The following A2M variants were observed in gnomAD, a reference collection of about 807,000 sequenced individuals.
A2M encodes alpha-2-macroglobulin.
A2M carries 128 observed loss-of-function variants against 183.9 expected under a neutral mutation model. The ratio of observed to expected loss-of-function variants is 0.70; its 90% confidence interval spans 0.60 to 0.81. A2M has a LOEUF of 0.81. Ranked by LOEUF, A2M falls within the 30% of genes least tolerant of loss-of-function variation. A2M has a pLI of 0.00. For missense variants in A2M, 1,495 were observed against 1,787.6 expected (o/e 0.84, Z 2.95); for synonymous variants, 592 against 670.8 (o/e 0.88, Z 1.81).
chr12:9,082,397 C>T (rs1948933608), intron 22 of A2M, among the ~76,000 whole-genome samples: 1 of 152,174 alleles, frequency 6.6e-6, no homozygotes, highest in Non-Finnish European at 1.5e-5. Context: ...AGAGACAAAA[C>T]AGTGATCTTG....
intron 34 of A2M, 121 bp downstream of exon 34, chr12:9,068,619 G>C: frequency 1.2e-6 from 1 of 812,950 alleles, no homozygotes; most frequent in Admixed American, 2.2e-5. Context: ...AGACTTGATG[G>C]AGACAAAATG....
Position 9,107,580 on chromosome 12 carries a change from C to T in A2M, c.823G>A (p.Ala275Thr), listed in dbSNP as rs1368167896. Reference sequence around the variant, plus strand: ...GAATCTTCACCGTGGCAGTCGGAAGCGTCACTATACTTTCTGCAAATGCTC... The same window carrying T: ...GAATCTTCACCGTGGCAGTCGGAAGTGTCACTATACTTTCTGCAAATGCTC... Reference protein sequence around the residue: ...TVSICRKYSDASDCHGEDSQA... With the variant: ...TVSICRKYSDTSDCHGEDSQA... Residue 275 changes from alanine (A) to threonine (T), a missense_variant, in exon 8 of 36, where the codon GCT (alanine) becomes ACT (threonine). Coordinates refer to ENST00000318602, the MANE Select transcript of A2M (RefSeq NM_000014.6). 8 of 1,613,848 alleles carry T rather than the reference C, an allele frequency of 5.0e-6. No homozygotes were observed. Among genetic ancestry groups the T allele is most frequent in the Admixed American group, 1.7e-5 (1 of 60,006 alleles).
intron 8 of A2M, among the ~76,000 whole-genome samples, chr12:9,107,067 A>C (rs1938349763): frequency 6.6e-6 from 1 of 152,070 alleles, no homozygotes. Flanking sequence ...TCTGCTCTTG[A>C]CCATTAGAAC....
At chr12:9,068,891 T>G (rs1948476584) in intron 33 of A2M, 49 bp from the exon 34 acceptor site, 1 of 1,370,692 alleles carries the variant, frequency 7.3e-7, no homozygotes, top group African/African-American at 1.4e-5. Flanking sequence ...CTTTCTTCTC[T>G]CTTTGAATTA....
In A2M at chr12:9,095,700, C is replaced by A; in HGVS notation, c.1852G>T (p.Val618Phe). 6.4e-7 allele frequency: 1 copy of A among 1,553,800 alleles called. No individual in the cohort carries two copies. The highest frequency in any genetic ancestry group is 8.7e-7 in the Non-Finnish European group (1 of 1,148,586). Residue 618 changes from valine to phenylalanine, a missense_variant and splice_region_variant, in exon 16 of 36, where the codon GTT becomes TTT. Transcript: ENST00000318602. ...TCCTTTTCTGGTAGCAGGTTGTAAA[C>A]CTGTACAAATACGAAAGACAAAAAG... Reference protein sequence around the residue: ...KPDAELSASSVYNLLPEKDLT... With the variant: ...KPDAELSASSFYNLLPEKDLT...
chr12:9,090,638 G>T, intron 19 of A2M, 156 bp from the exon 20 acceptor site: 1 of 723,352 alleles, frequency 1.4e-6, no homozygotes, highest in Non-Finnish European at 2.2e-6. Flanking sequence ...TATTTAAGTG[G>T]ATCTTAATGT....
chr12:9,090,834 G>A (rs1949188611), intron 19 of A2M, among the ~76,000 whole-genome samples: 1 of 152,106 alleles, frequency 6.6e-6, no homozygotes, highest in South Asian at 2.1e-4. Context: ...TTTCAGCAAA[G>A]GTAAGATGCT....
chr12:9,085,741 A>G (rs1217806170), intron 22 of A2M, among the ~76,000 whole-genome samples: 3 of 152,110 alleles, frequency 2.0e-5, no homozygotes, highest in Non-Finnish European at 4.4e-5. Flanking sequence ...AAGACAGACA[A>G]AAACTTTTAG....
chr12:9,093,467 T>C lies in A2M; in HGVS notation c.2238A>G (p.Val746=), dbSNP rs764454096. Residue 746 remains valine (V), a splice_region_variant and synonymous_variant, in exon 18 of 36, where the codon GTA becomes GTG. Transcript: ENST00000318602. The stretch of plus-strand genomic sequence containing the variant: ...TGCATATGCAGGAAGTTACTTACTT[T>C]ACCACCACCAAATCCCAGATCCATG... ...PETWIWDLVV[V]NSAGVAEVGV... is the part of the protein sequence containing the mutation. 2 of 1,612,224 alleles carry C rather than the reference T, an allele frequency of 1.2e-6. No individual in the cohort carries two copies. Among genetic ancestry groups the C allele is most frequent in the Non-Finnish European group, 8.5e-7 (1 of 1,178,436 alleles).
At chr12:9,101,076 T>G in intron 13 of A2M, 68 bp downstream of exon 13, 2 of 1,399,910 alleles carry the variant, frequency 1.4e-6, no homozygotes, top group East Asian at 5.0e-5. Flanking sequence ...AGTATTCTGA[T>G]ACTTCCGTGG....
rs772774532 is a variant in A2M, at chr12:9,079,984, G to A, written c.2854+110C>T. ...CAATAAACAAGCCCAAAGAAGAAGA[G>A]AAGAAAGAAGTTAAAATTATAGTAT... On this transcript the variant is annotated intron_variant, in intron 23 of 35. Coordinates refer to ENST00000318602, the MANE Select transcript of A2M (RefSeq NM_000014.6). 3.6e-5 allele frequency: 33 copies of A among 926,818 alleles called. No homozygotes were observed. In the Middle Eastern group the frequency reaches 1.7e-3, roughly 48 times the overall value. 57.4% of individuals were successfully genotyped at this position (926,818 alleles called of 1,614,324 possible). A position where few individuals can be genotyped will look rare whatever the true frequency, so the allele number is the denominator to read the frequency against.
chr12:9,092,277 G>A (rs1565591008), intron 18 of A2M, among the ~76,000 whole-genome samples: 1 of 152,230 alleles, frequency 6.6e-6, no homozygotes, highest in Non-Finnish European at 1.5e-5. Flanking sequence ...TTTACAGCTC[G>A]TACCTAAGGG....
Position 9,095,573 on chromosome 12 carries a change from C to G in A2M, c.1979G>C (p.Ser660Thr). 6.2e-7 allele frequency: 1 copy of G among 1,612,470 alleles called. No homozygotes were observed. The highest frequency in any genetic ancestry group is 8.5e-7 in the Non-Finnish European group (1 of 1,178,704). ...GCTGTACATATCCTTTTCATTTGTA[C>G]TTGATACTGGAGTATATGTGATTCC... ...INGITYTPVS[S>T]TNEKDMYSFL... The change falls in exon 16 of 36, where the codon AGT becomes ACT. Residue 660 changes from serine to threonine, a missense_variant. Transcript: ENST00000318602.
chr12:9,105,582 G>T (rs375483853), intron 10 of A2M, among the ~76,000 whole-genome samples: 3 of 152,096 alleles, frequency 2.0e-5, no homozygotes, highest in African/African-American at 7.2e-5. Flanking sequence ...GACTTCTAGA[G>T]TCATAAAGAT....
intron 16 of A2M, among the ~76,000 whole-genome samples, 172 bp from the exon 17 acceptor site, chr12:9,095,256 C>T (rs1191446110): frequency 6.6e-6 from 1 of 152,168 alleles, no homozygotes; most frequent in Non-Finnish European, 1.5e-5. Context: ...TTATTCTTTT[C>T]ATTAAACTCT....
chr12:9,089,166 T>C lies in A2M; in HGVS notation c.2770+34A>G, dbSNP rs368788378. 639 of 1,488,036 alleles carry C rather than the reference T, an allele frequency of 4.3e-4. 1 individual carries two copies. The highest frequency in any genetic ancestry group is 5.7e-4 in the Non-Finnish European group (623 of 1,087,354). 92.2% of individuals were successfully genotyped at this position (1,488,036 alleles called of 1,614,324 possible). ...TCTTTGAACTTTAAATGTTAGACTT[T>C]AATGTTTTTTAAATTATGATGGTTG... On this transcript the variant is annotated intron_variant, in intron 22 of 35. Transcript: ENST00000318602.
At chr12:9,089,842 T>C in intron 21 of A2M, 60 bp downstream of exon 21, 1 of 1,058,892 alleles carries the variant, frequency 9.4e-7, no homozygotes, top group Non-Finnish European at 1.3e-6. Context: ...CCATATATTA[T>C]TATATTACCC....
intron 4 of A2M, among the ~76,000 whole-genome samples, chr12:9,111,151 A>G (rs1482200317): frequency 6.6e-6 from 1 of 152,204 alleles, no homozygotes; most frequent in Non-Finnish European, 1.5e-5. Context: ...AGAAGCTACT[A>G]TGAATGTTTA....
In A2M at chr12:9,093,542, C is replaced by T. The variant is rs1427720360; in HGVS notation, c.2163G>A (p.Val721=). ...TCTCCGTGTGAGGCTCTTCAACATG[C>T]ACCAGGCGTGCATGGCCTCTTCCCA... ...DVMGRGHARL[V]HVEEPHTETV... Residue 721 remains valine (V), a synonymous_variant, in exon 18 of 36, where the codon GTG becomes GTA. Transcript: ENST00000318602. The T allele has an allele frequency of 1.2e-6, 2 of 1,612,184 alleles. No homozygotes were observed. The highest frequency in any genetic ancestry group is 2.2e-5 in the East Asian group (1 of 44,848).
Sources: allele counts gnomAD v4.1 joint callset (sites outside exome capture counted in the v4.1 genomes callset), GRCh38; gene constraint gnomAD v4.1.1; transcripts MANE v1.5; gene names NCBI Gene and HGNC (gene_info 2026-07-23, HGNC 2026-07-21).